TRIM2: variants seen among roughly 807,000 people sequenced by gnomAD.
TRIM2 encodes the protein tripartite motif-containing protein 2.
Under a neutral mutation model 75.2 loss-of-function variants are expected in TRIM2, and 20 were observed. The observed-to-expected ratio is 0.27, with a 90% CI of 0.19 to 0.39. The LOEUF (loss-of-function observed/expected upper bound fraction) is 0.39, where lower values mean the gene tolerates loss of function less well. Among genes scored for constraint, TRIM2 ranks in the 10% least tolerant of loss-of-function variants. The pLI is 1.00. For synonymous variants in TRIM2, 373 were observed against 388.3 expected, an observed-to-expected ratio of 0.96 and a Z score of 0.46; for missense variants, 660 against 990.8, an observed-to-expected ratio of 0.67 and a Z score of 4.48.
intron 1 of TRIM2, among the ~76,000 whole-genome samples, chr4:153,258,363 G>A (rs1485433886): frequency 3.3e-5 from 5 of 151,642 alleles, no homozygotes; most frequent in Non-Finnish European, 5.9e-5. Flanking sequence ...AAATCTGGGT[G>A]GAGCTCAATG....
intron 2 of TRIM2, among the ~76,000 whole-genome samples, chr4:153,272,106 G>A (rs1756828040): frequency 1.3e-5 from 2 of 152,068 alleles, no homozygotes; most frequent in African/African-American, 4.8e-5. Context: ...TGTTAAAATT[G>A]TTCCAGCCTC....
At chr4:153,296,999 G>C (rs1331838549) in intron 6 of TRIM2, among the ~76,000 whole-genome samples, 1 of 152,182 alleles carries the variant, frequency 6.6e-6, no homozygotes, top group East Asian at 1.9e-4. Flanking sequence ...TTAAATTGCA[G>C]AACTTCTTAA....
At chr4:153,179,015 C>T (rs1415700484) in intron 1 of TRIM2, among the ~76,000 whole-genome samples, 1 of 152,002 alleles carries the variant, frequency 6.6e-6, no homozygotes, top group Non-Finnish European at 1.5e-5. Flanking sequence ...CACAGTGAGA[C>T]CTCATCTCTA....
chr4:153,275,030 T>C (rs539312805), intron 2 of TRIM2, among the ~76,000 whole-genome samples: 1 of 152,356 alleles, frequency 6.6e-6, no homozygotes, highest in East Asian at 1.9e-4. Flanking sequence ...GAAAAAATTG[T>C]ATAGTCTAAT....
chr4:153,294,971 G>C (rs1762487212), intron 5 of TRIM2, among the ~76,000 whole-genome samples: 1 of 152,152 alleles, frequency 6.6e-6, no homozygotes, highest in Admixed American at 6.5e-5. Flanking sequence ...ATGGGGACAT[G>C]GGGAAAGATA....
rs112811617 is a variant in TRIM2, at chr4:153,237,979, G to A, written c.31-32356G>A. ...TGTGGTAAGTGACCTGCCATTGTGGGGAGTGGAAGTGGCATGACCTCAGGA... is the reference window on the plus strand; with the variant it reads ...TGTGGTAAGTGACCTGCCATTGTGGAGAGTGGAAGTGGCATGACCTCAGGA... On this transcript the variant is annotated intron_variant, in intron 1 of 11. Transcript: ENST00000338700. Among the ~76,000 whole-genome samples the A allele has an allele frequency of 2.6e-3, 402 of 152,230 alleles. 4 individuals are homozygous for A. The highest frequency in any genetic ancestry group is 9.5e-3 in the African/African-American group (393 of 41,544).
At chr4:153,173,620 G>A (rs914938987) in intron 1 of TRIM2, among the ~76,000 whole-genome samples, 1 of 150,180 alleles carries the variant, frequency 6.7e-6, no homozygotes, top group East Asian at 2.0e-4. Context: ...CCGAGATCGC[G>A]CCATTGCACT....
chr4:153,294,044 C>T (rs913606550), intron 4 of TRIM2, among the ~76,000 whole-genome samples: 6 of 152,052 alleles, frequency 3.9e-5, no homozygotes. Flanking sequence ...CAGAGAGCTT[C>T]AAGTCTATAC....
chr4:153,190,863 G>A (rs1189643876), intron 1 of TRIM2, among the ~76,000 whole-genome samples: 1 of 152,034 alleles, frequency 6.6e-6, no homozygotes, highest in Non-Finnish European at 1.5e-5. Context: ...TCAGCACCCC[G>A]GGTAGCTGGG....
intron 10 of TRIM2, among the ~76,000 whole-genome samples, chr4:153,326,577 C>T (rs1336186636): frequency 2.6e-5 from 4 of 152,310 alleles, no homozygotes; most frequent in African/African-American, 9.6e-5. Context: ...AATATATTTT[C>T]TTTTCATCAC....
In TRIM2 at chr4:153,308,218, C is replaced by T. The variant is rs878891656; in HGVS notation, c.1511-7267C>T. The T allele has an allele frequency of 1.9e-5, 28 of 1,468,996 alleles. No individual in the cohort carries two copies. The Admixed American group carries it at 3.2e-4, about 17-fold the overall frequency. The allele number at this position is 1,468,996 out of a possible 1,614,324, so 91.0% of individuals were successfully genotyped here. ...ATCAGTTCATAATCAATGACAGAGC[C>T]ATCCTCTGCTCTTCTACCCTTTGCC... On this transcript the variant is annotated intron_variant, in intron 6 of 11. Transcript: ENST00000338700.
intron 3 of TRIM2, among the ~76,000 whole-genome samples, chr4:153,288,836 C>T (rs1028299814): frequency 6.6e-6 from 1 of 151,512 alleles, no homozygotes; most frequent in Admixed American, 6.6e-5. Context: ...TTCAAGTTAA[C>T]CTTCTTCTTC....
chr4:153,319,324 A>G (rs961358), intron 8 of TRIM2, among the ~76,000 whole-genome samples: 147,212 of 152,318 alleles, frequency 0.97, 71,180 homozygotes, highest in African/African-American at 0.99. Flanking sequence ...AACAAATGGA[A>G]ACACCTCTGG....
At chr4:153,316,116 C>A in intron 8 of TRIM2, 117 bp downstream of exon 8, 1 of 955,506 alleles carries the variant, frequency 1.0e-6, no homozygotes, top group Non-Finnish European at 1.5e-6. Context: ...TCTTCATACA[C>A]AAAGATATCT....
chr4:153,171,611 T>A (rs548338144), intron 1 of TRIM2, among the ~76,000 whole-genome samples: 50 of 146,644 alleles, frequency 3.4e-4, no homozygotes, highest in African/African-American at 7.2e-4. Flanking sequence ...AACAAAAAAA[T>A]ATATATATAT....
chr4:153,153,939 T>A (rs1383376075), intron 1 of TRIM2, among the ~76,000 whole-genome samples: 1 of 152,146 alleles, frequency 6.6e-6, no homozygotes, highest in Non-Finnish European at 1.5e-5. Context: ...AGACCTCAAT[T>A]CCCTCCTTTC....
chr4:153,201,869 G>T (rs1340877856), upstream of TRIM2, among the ~76,000 whole-genome samples: 3 of 152,190 alleles, frequency 2.0e-5, 1 homozygote, highest in South Asian at 6.2e-4. Context: ...AACTTTCTAG[G>T]TTAATTGAGA....
chr4:153,178,546 C>A (rs1219156814), intron 1 of TRIM2, among the ~76,000 whole-genome samples: 1 of 152,076 alleles, frequency 6.6e-6, no homozygotes, highest in Non-Finnish European at 1.5e-5. Flanking sequence ...GGTAAAAATG[C>A]CTGTTTTGTT....
intron 1 of TRIM2, among the ~76,000 whole-genome samples, chr4:153,209,690 T>G (rs79291077): frequency 0.011 from 1,630 of 152,350 alleles, 16 homozygotes; most frequent in African/African-American, 0.037. Context: ...AAAGGGTCAG[T>G]GTCTGACTTC....
Sources: allele counts gnomAD v4.1 joint callset (sites outside exome capture counted in the v4.1 genomes callset), GRCh38; gene constraint gnomAD v4.1.1; transcripts MANE v1.5; gene names NCBI Gene and HGNC (gene_info 2026-07-23, HGNC 2026-07-21).